B3GAT1: variants seen among roughly 807,000 people sequenced by gnomAD.
B3GAT1 encodes beta-1,3-glucuronyltransferase 1.
B3GAT1 carries 11 observed loss-of-function variants against 28.4 expected under a neutral mutation model. That is an observed-to-expected ratio of 0.39 (90% CI 0.24 to 0.64). The LOEUF (loss-of-function observed/expected upper bound fraction) is 0.64, where lower values mean the gene tolerates loss of function less well. Ranked by LOEUF, B3GAT1 falls within the 30% of genes least tolerant of loss-of-function variation. B3GAT1 has a pLI of 0.50. For synonymous variants in B3GAT1, 255 were observed against 223.1 expected (o/e 1.14, Z -1.27); for missense variants, 375 against 491.0 (o/e 0.76, Z 2.23).
In B3GAT1 at chr11:134,387,939, A is replaced by C. The variant is rs1419395300; in HGVS notation, c.-280T>G. 7.6e-7 allele frequency: 1 copy of C among 1,320,594 alleles called. No homozygotes were observed. Among genetic ancestry groups the C allele is most frequent in the Non-Finnish European group, 1.0e-6 (1 of 971,964 alleles). The allele number at this position is 1,320,594 out of a possible 1,614,324, so 81.8% of individuals were successfully genotyped here. A position where few individuals can be genotyped will look rare whatever the true frequency, so the allele number is the denominator to read the frequency against. On this transcript the variant is annotated splice_region_variant and 5_prime_UTR_variant, in exon 2 of 6. Coordinates refer to ENST00000312527, the MANE Select transcript of B3GAT1 (RefSeq NM_054025.3). ...GGGTCAGGAACCCTGGGGGGTGGAC[A>C]CCTGCAAGAGAGAGCAGAAGCGGAT...
rs1336912011 is a variant in B3GAT1 at position 134,382,943 on chromosome 11, C to A, written c.685G>T (p.Ala229Ser). ...VAFVGGLRYE[A>S]PRVNGAGKVV... ...TTCCCTGCCCCGTTCACCCGTGGGG[C>A]CTCGTACCGCAGGCCACCCACGAAG... The change falls in exon 4 of 6, where the codon GCC becomes TCC. Residue 229 changes from alanine to serine, a missense_variant. Physicochemically the swap from Ala to Ser is moderately conservative, Grantham distance 99. Coordinates refer to ENST00000312527, the MANE Select transcript of B3GAT1 (RefSeq NM_054025.3). 6.2e-7 allele frequency: 1 copy of A among 1,607,876 alleles called. No homozygotes were observed. The highest frequency in any genetic ancestry group is 8.5e-7 in the Non-Finnish European group (1 of 1,177,082).
chr11:134,381,594 A>G, intron 5 of B3GAT1: 2 of 263,628 alleles, frequency 7.6e-6, no homozygotes, highest in Non-Finnish European at 7.4e-6. Flanking sequence ...ACTTGGGGGG[A>G]CAGACGCTGG....
At position 134,411,471 on chromosome 11, in the gene B3GAT1, C is replaced by T. The variant is rs896823519; in HGVS notation, c.-282+336G>A. On this transcript the variant is annotated intron_variant, in intron 1 of 5. Coordinates refer to ENST00000312527, the MANE Select transcript of B3GAT1 (RefSeq NM_054025.3). The surrounding 1 kb of genome is among the most constrained non-coding windows in gnomAD (Gnocchi z 6.0). ...GACTCCTCATCCGGCCACCAGAAAC[C>T]ACCTGCTGAGGGGGCCGGGAACTGA... 6.6e-6 allele frequency among the ~76,000 whole-genome samples: 1 copy of T among 152,120 alleles called. No individual in the cohort carries two copies. The highest frequency in any genetic ancestry group is 6.5e-5 in the Admixed American group (1 of 15,288).
chr11:134,409,269 C>T (rs1944804138), intron 1 of B3GAT1, among the ~76,000 whole-genome samples: 1 of 152,140 alleles, frequency 6.6e-6, no homozygotes, highest in Admixed American at 6.5e-5. Context: ...CTTCCATGTC[C>T]CCTGGCTAGT....
intron 5 of B3GAT1, chr11:134,381,576 A>C: frequency 4.1e-6 from 1 of 244,814 alleles, no homozygotes; most frequent in Non-Finnish European, 8.1e-6. Flanking sequence ...CCACAGGGGA[A>C]GAGGCAGACT....
chr11:134,382,991 T>C lies in B3GAT1; in HGVS notation c.637A>G (p.Arg213Gly), dbSNP rs756026134. The change falls in exon 4 of 6, where the codon AGG becomes GGG. Residue 213 changes from arginine (R) to glycine (G), a missense_variant. By Grantham distance (125) the Arg-to-Gly change is moderately radical (BLOSUM62 -2). Transcript: ENST00000312527. Reference sequence around the variant, plus strand: ...AAGGCGACGGGCCACACGGACACCCTCCTGGTGCTGCGCATCTACAAGGGG... The same window carrying C: ...AAGGCGACGGGCCACACGGACACCCCCCTGGTGCTGCGCATCTACAAGGGG... Reference protein sequence around the residue: ...ELFEEMRSTRRVSVWPVAFVG... With the variant: ...ELFEEMRSTRGVSVWPVAFVG... The C allele has an allele frequency of 6.4e-7, 1 of 1,571,920 alleles. No individual in the cohort carries two copies. The highest frequency in any genetic ancestry group is 8.6e-7 in the Non-Finnish European group (1 of 1,157,238).
chr11:134,388,130 G>A (rs1283525536), intron 1 of B3GAT1, 190 bp from the exon 2 acceptor site: 5 of 354,366 alleles, frequency 1.4e-5, no homozygotes, highest in Non-Finnish European at 2.2e-5. Context: ...CAGGCACAGG[G>A]CCATGGCTCT....
In B3GAT1 at chr11:134,411,055, G is replaced by T. The variant is rs1944843446; in HGVS notation, c.-282+752C>A. ...GGCTCCCATGTGTGTGCATGTGGGG[G>T]TGGTTCTTGACCTTAGCTGCTTGGT... On this transcript the variant is annotated intron_variant, in intron 1 of 5. Transcript: ENST00000312527. This position sits in a 1 kb window ranked among gnomAD's most constrained non-coding sequence, Gnocchi z 6.0. Among the ~76,000 whole-genome samples, 1 of 152,228 alleles carries T rather than the reference G, an allele frequency of 6.6e-6. No homozygotes were observed. The highest frequency in any genetic ancestry group is 6.5e-5 in the Admixed American group (1 of 15,286).
In B3GAT1 at chr11:134,384,161, G is replaced by A; in HGVS notation, c.140C>T (p.Thr47Met). Reference protein sequence around the residue: ...KDEGSDPRRETPPGADPREYC... With the variant: ...KDEGSDPRREMPPGADPREYC... ...CTCCCTGGGGTCGGCGCCGGGCGGC[G>A]TTTCGCGTCGGGGGTCACTGCCCTC... is the stretch of plus-strand genomic sequence containing the variant. Residue 47 changes from threonine to methionine, a missense_variant, in exon 3 of 6, where the codon ACG (threonine) becomes ATG (methionine). Transcript: ENST00000312527. The A allele has an allele frequency of 6.4e-7, 1 of 1,551,476 alleles. No individual in the cohort carries two copies.
rs1236800322 is a variant in B3GAT1 at position 134,411,794 on chromosome 11, G to A, written c.-282+13C>T. 6.6e-6 allele frequency: 1 copy of A among 152,124 alleles called. No individual in the cohort carries two copies. Among genetic ancestry groups the A allele is most frequent in the Non-Finnish European group, 1.5e-5 (1 of 68,218 alleles). The allele number at this position is 152,124 out of a possible 1,614,324, so 9.4% of individuals were successfully genotyped here. ...CGCGGCGGGGCGCCCGCGGGGGCGC[G>A]GGGAGCACTGACCTGCGGCGACGAG... is the stretch of plus-strand genomic sequence containing the variant. On this transcript the variant is annotated intron_variant, in intron 1 of 5. Transcript: ENST00000312527. This position sits in a 1 kb window ranked among gnomAD's most constrained non-coding sequence, Gnocchi z 6.0.
chr11:134,387,132 G>GTGTAGAT, intron 2 of B3GAT1: 1 of 187,584 alleles, frequency 5.3e-6, no homozygotes, highest in South Asian at 1.2e-4. Flanking sequence ...TGCCGACAGT[G>GTGTAGAT]CTTCGCCCTT....
intron 1 of B3GAT1, chr11:134,388,848 G>C (rs1023543420): frequency 2.0e-5 from 3 of 152,172 alleles, no homozygotes; most frequent in Non-Finnish European, 4.4e-5. Context: ...TCTTTACCCA[G>C]TTCACCACTG....
chr11:134,406,199 G>A (rs1944729201), intron 1 of B3GAT1, among the ~76,000 whole-genome samples: 1 of 152,216 alleles, frequency 6.6e-6, no homozygotes, highest in Non-Finnish European at 1.5e-5. Context: ...ACCAGGGAGG[G>A]GTGAGCCCAG....
chr11:134,378,824 G>T lies in B3GAT1; in HGVS notation c.*1938C>A, dbSNP rs929070293. Reference sequence around the variant, plus strand: ...ACATGCAGCTAAAAGAGGATATTAGGTGAAAACAACTGACCTAGCATCTGC... The same window carrying T: ...ACATGCAGCTAAAAGAGGATATTAGTTGAAAACAACTGACCTAGCATCTGC... On this transcript the variant is annotated 3_prime_UTR_variant, in exon 6 of 6. Coordinates refer to ENST00000312527, the MANE Select transcript of B3GAT1 (RefSeq NM_054025.3). 6.6e-6 allele frequency: 1 copy of T among 152,228 alleles called. No homozygotes were observed. The highest frequency in any genetic ancestry group is 1.5e-5 in the Non-Finnish European group (1 of 68,030). The allele number at this position is 152,228 out of a possible 1,614,324, so 9.4% of individuals were successfully genotyped here. A position where few individuals can be genotyped will look rare whatever the true frequency, so the allele number is the denominator to read the frequency against.
Position 134,411,727 on chromosome 11 carries a change from C to T in B3GAT1, c.-282+80G>A. On this transcript the variant is annotated intron_variant, in intron 1 of 5. Transcript: ENST00000312527. This position sits in a 1 kb window ranked among gnomAD's most constrained non-coding sequence, Gnocchi z 6.0. ...ACACCCCAGCGCGCGCCCGGGAGGA[C>T]ATGGCGTGGGCACCGATGGGGACGC... The T allele has an allele frequency of 6.5e-6, 1 of 153,024 alleles. No individual in the cohort carries two copies. Among genetic ancestry groups the T allele is most frequent in the Non-Finnish European group, 1.5e-5 (1 of 68,802 alleles). The allele number at this position is 153,024 out of a possible 1,614,324, so 9.5% of individuals were successfully genotyped here.
Position 134,387,771 on chromosome 11 carries a change from G to T in B3GAT1, c.-112C>A. On this transcript the variant is annotated 5_prime_UTR_variant, in exon 2 of 6. Transcript: ENST00000312527. ...GGGGAGAAAAGAACAGGCATGGGCC[G>T]GGCCGGCCAGGCATGGAGAGGACAG... 6.5e-7 allele frequency: 1 copy of T among 1,548,678 alleles called. No individual in the cohort carries two copies.
intron 1 of B3GAT1, among the ~76,000 whole-genome samples, chr11:134,397,631 C>T (rs1172636269): frequency 1.3e-5 from 2 of 152,032 alleles, no homozygotes; most frequent in Non-Finnish European, 2.9e-5. Context: ...GAGGGCAGTG[C>T]CCCATTCCCA....
In B3GAT1 at chr11:134,381,948, A is replaced by G; in HGVS notation, c.995T>C (p.Val332Ala). The G allele has an allele frequency of 6.2e-7, 1 of 1,614,004 alleles. No homozygotes were observed. The highest frequency in any genetic ancestry group is 8.5e-7 in the Non-Finnish European group (1 of 1,179,998). The change falls in exon 5 of 6, where the codon GTG (valine) becomes GCG (alanine). Residue 332 changes from valine to alanine, a missense_variant. Transcript: ENST00000312527. Reference protein sequence around the residue: ...EGKKGFTDPSVEI With the variant: ...EGKKGFTDPSAEI ...CCTGCATCCTGAGGCTCAGATCTCCACCGAGGGGTCAGTGAAGCCCTTCTT... is the reference window on the plus strand; with the variant it reads ...CCTGCATCCTGAGGCTCAGATCTCCGCCGAGGGGTCAGTGAAGCCCTTCTT...
intron 1 of B3GAT1, among the ~76,000 whole-genome samples, chr11:134,394,941 T>C (rs1051784865): frequency 6.6e-6 from 1 of 152,244 alleles, no homozygotes; most frequent in Non-Finnish European, 1.5e-5. Context: ...ATTTTGATTA[T>C]GATTCAGTAA....
Sources: gnomAD v4.1 joint callset for allele counts (sites outside exome capture counted in the v4.1 genomes callset) on GRCh38, gnomAD v4.1.1 for gene constraint, Gnocchi (gnomAD v3.1) non-coding constraint, MANE v1.5 for transcripts, NCBI Gene and HGNC (gene_info 2026-07-23, HGNC 2026-07-21) for gene names.